Variants in KANK1 observed in about 807,000 individuals in gnomAD.
KANK1 encodes KN motif and ankyrin repeat domain-containing protein 1.
KANK1 carries 109 observed loss-of-function variants against 106.2 expected under a neutral mutation model. That is an observed-to-expected ratio of 1.03 (90% CI 0.88 to 1.20). The LOEUF (loss-of-function observed/expected upper bound fraction) is 1.20. Ranked by LOEUF, KANK1 falls within the 50% of genes most tolerant of loss-of-function variation. The pLI is 0.00. For synonymous variants in KANK1, 873 were observed against 652.2 expected (o/e 1.34, Z -5.16); for missense variants, 2,399 against 1,710.7 (o/e 1.40, Z -7.10).
chr9:734,626 A>T lies in KANK1; in HGVS notation c.3246-122A>T, dbSNP rs560102407. 66 of 631,112 alleles carry T rather than the reference A, an allele frequency of 1.0e-4. No homozygotes were observed. In the African/African-American group the frequency reaches 1.2e-3, roughly 11 times the overall value. The allele number at this position is 631,112 out of a possible 1,614,324, so 39.1% of individuals were successfully genotyped here. On this transcript the variant is annotated intron_variant, in intron 6 of 11. Coordinates refer to ENST00000382297, the MANE Select transcript of KANK1 (RefSeq NM_015158.5). ...GGTTGCAGTGAGCCAAGATCATGCC[A>T]CTGCACTCCAGCCTGGGCGACAGAG...
At chr9:723,782 A>G (rs948958753) in intron 3 of KANK1, among the ~76,000 whole-genome samples, 4 of 152,098 alleles carry the variant, frequency 2.6e-5, no homozygotes, top group African/African-American at 9.7e-5. Context: ...CAAACACCCT[A>G]TTAAAGAAAT....
chr9:679,048 C>T (rs1816981255), intron 2 of KANK1, among the ~76,000 whole-genome samples: 1 of 152,130 alleles, frequency 6.6e-6, no homozygotes, highest in Admixed American at 6.5e-5. Context: ...TTCCTGAGAT[C>T]TAATAAGCAA....
At chr9:539,674 T>G (rs1392994798) in intron 1 of KANK1, 1 of 152,092 alleles carries the variant, frequency 6.6e-6, no homozygotes, top group Non-Finnish European at 1.5e-5. Context: ...AATTTTTTTG[T>G]AGAGACATCT....
chr9:572,971 A>G (rs986858228), intron 1 of KANK1, among the ~76,000 whole-genome samples: 12 of 152,186 alleles, frequency 7.9e-5, no homozygotes, highest in Non-Finnish European at 1.0e-4. Flanking sequence ...TCCTAATACA[A>G]TAAAGTTGAG....
chr9:473,497 A>G (rs1345476648), intron 3 of KANK1, among the ~76,000 whole-genome samples: 1 of 152,214 alleles, frequency 6.6e-6, no homozygotes, highest in Non-Finnish European at 1.5e-5. Context: ...ATCATCAACC[A>G]TAATCCCTAG....
At chr9:559,722 A>G (rs997302376) in intron 1 of KANK1, among the ~76,000 whole-genome samples, 1 of 152,196 alleles carries the variant, frequency 6.6e-6, no homozygotes, top group African/African-American at 2.4e-5. Context: ...GACATAGGGA[A>G]TGAGAGATTT....
In KANK1 at chr9:478,708, T is replaced by A. The variant is rs566183291; in HGVS notation, c.-362+5435T>A. Among the ~76,000 whole-genome samples the A allele has an allele frequency of 2.6e-4, 40 of 152,238 alleles. No individual in the cohort carries two copies. The South Asian group carries it at 7.9e-3, about 30-fold the overall frequency. On this transcript the variant is annotated intron_variant, in intron 3 of 15. Transcript: ENST00000382303. ...CTTACCTTTAAAAACAAAACCAAAC[T>A]CTTTACACCAAAACTTCTTCCATAT... is the stretch of plus-strand genomic sequence containing the variant.
chr9:510,941 TA>T (rs1175211811), intron 1 of KANK1, among the ~76,000 whole-genome samples: 1 of 152,248 alleles, frequency 6.6e-6, no homozygotes, highest in African/African-American at 2.4e-5. Flanking sequence ...CAATATCACT[TA>T]ACTTTAGTAA....
intron 3 of KANK1, among the ~76,000 whole-genome samples, chr9:475,601 C>T (rs1156351182): frequency 6.6e-6 from 1 of 152,150 alleles, no homozygotes; most frequent in Non-Finnish European, 1.5e-5. Flanking sequence ...AAATTCTCAT[C>T]AGATGGGTTT....
At chr9:635,990 G>A (rs1588455074) in intron 1 of KANK1, among the ~76,000 whole-genome samples, 1 of 152,146 alleles carries the variant, frequency 6.6e-6, no homozygotes, top group Middle Eastern at 3.4e-3. Context: ...CCTTCTTAAT[G>A]AGGCACAAAC....
At chr9:555,629 G>A (rs1209192193) in intron 1 of KANK1, among the ~76,000 whole-genome samples, 1 of 152,156 alleles carries the variant, frequency 6.6e-6, no homozygotes, top group African/African-American at 2.4e-5. Context: ...CTGTAAAAGC[G>A]TAAGATTCCC....
At position 713,295 on chromosome 9, in the gene KANK1, G is replaced by C; in HGVS notation, c.2529G>C (p.Glu843Asp). 6.2e-7 allele frequency: 1 copy of C among 1,614,130 alleles called. No homozygotes were observed. The stretch of plus-strand genomic sequence containing the variant: ...CAGAACAGCAGACACTGCTGGCTGA[G>C]AACTACAGTGAACTGGCAGAAGCTT... ...LLAEQQTLLAENYSELAEAFG... is the reference protein window; with the variant it reads ...LLAEQQTLLADNYSELAEAFG... Residue 843 changes from glutamate to aspartate, a missense_variant, in exon 3 of 12, where the codon GAG (glutamate) becomes GAC (aspartate). Transcript: ENST00000382297.
intron 1 of KANK1, among the ~76,000 whole-genome samples, chr9:614,563 C>T (rs1831345195): frequency 6.6e-6 from 1 of 152,138 alleles, no homozygotes; most frequent in African/African-American, 2.4e-5. Context: ...GACAGTTCCT[C>T]ATTGTGTGGG....
At chr9:491,402 G>A (rs766614406) in intron 3 of KANK1, among the ~76,000 whole-genome samples, 6 of 151,870 alleles carry the variant, frequency 4.0e-5, no homozygotes, top group Non-Finnish European at 7.4e-5. Flanking sequence ...TGAGTAGCTG[G>A]GACTACAGGT....
At chr9:504,150 G>C (rs920677995), upstream of KANK1, among the ~76,000 whole-genome samples, 10 of 152,162 alleles carry the variant, frequency 6.6e-5, no homozygotes, top group African/African-American at 2.4e-4. Context: ...GGAGGACGTC[G>C]AGCAGGCCAG....
At chr9:699,240 G>A (rs1589012024) in intron 2 of KANK1, among the ~76,000 whole-genome samples, 1 of 152,286 alleles carries the variant, frequency 6.6e-6, no homozygotes, top group African/African-American at 2.4e-5. Context: ...TGTTATTTAT[G>A]TGATCACTTG....
intron 3 of KANK1, among the ~76,000 whole-genome samples, chr9:717,311 T>G (rs768148565): frequency 6.6e-6 from 1 of 151,858 alleles, no homozygotes; most frequent in African/African-American, 2.4e-5. Context: ...GAAAAAGAAA[T>G]TAAAAGTTCA....
chr9:527,034 C>T (rs1431886489), intron 1 of KANK1, among the ~76,000 whole-genome samples: 1 of 151,774 alleles, frequency 6.6e-6, no homozygotes, highest in African/African-American at 2.4e-5. Context: ...CCTCATACAG[C>T]TTTTGCCCAC....
intron 2 of KANK1, among the ~76,000 whole-genome samples, chr9:472,262 A>G (rs1456995499): frequency 6.6e-6 from 1 of 152,248 alleles, no homozygotes; most frequent in Non-Finnish European, 1.5e-5. Flanking sequence ...CAAGGAAGTC[A>G]ATGTCACCAC....
Sources: allele counts gnomAD v4.1 joint callset (sites outside exome capture counted in the v4.1 genomes callset), GRCh38; gene constraint gnomAD v4.1.1; transcripts MANE v1.5; gene names NCBI Gene and HGNC (gene_info 2026-07-23, HGNC 2026-07-21).